The following CLEC12A variants were observed in gnomAD, a reference collection of about 807,000 sequenced individuals.
The protein encoded by CLEC12A is C-type lectin protein CLL-1.
A neutral mutation model predicts 26.5 loss-of-function variants in CLEC12A; 22 were observed. The observed-to-expected ratio is 0.83, with a 90% CI of 0.59 to 1.19. The LOEUF (loss-of-function observed/expected upper bound fraction) is 1.19. CLEC12A is among the 50% of genes most tolerant of loss of function. The probability of loss-of-function intolerance (pLI) is 0.00; values close to 1 mark genes in which losing one functional copy is unlikely to be tolerated. For synonymous variants in CLEC12A, 119 were observed against 101.9 expected, an observed-to-expected ratio of 1.17 and a Z score of -1.01; for missense variants, 353 against 315.6, an observed-to-expected ratio of 1.12 and a Z score of -0.90.
Position 9,971,436 on chromosome 12 carries a change from G to C in CLEC12A, c.-161G>C. 7.7e-7 allele frequency: 1 copy of C among 1,297,446 alleles called. No individual in the cohort carries two copies. Among genetic ancestry groups the C allele is most frequent in the Non-Finnish European group, 9.8e-7 (1 of 1,022,060 alleles). The allele number at this position is 1,297,446 out of a possible 1,614,324, so 80.4% of individuals were successfully genotyped here. On this transcript the variant is annotated 5_prime_UTR_variant, in exon 1 of 6. Transcript: ENST00000304361. ...CTCATTTGCAGACATATGGGTGATT[G>C]GTACAGTAGGTTTATAAACAGAAGT...
intron 3 of CLEC12A, among the ~76,000 whole-genome samples, chr12:9,979,770 A>G (rs1864479520): frequency 6.6e-6 from 1 of 152,220 alleles, no homozygotes; most frequent in Non-Finnish European, 1.5e-5. Flanking sequence ...AAAATGTTAG[A>G]CAAGACAGTT....
At chr12:9,969,707 C>T (rs1321424567), upstream of CLEC12A, among the ~76,000 whole-genome samples, 2 of 152,156 alleles carry the variant, frequency 1.3e-5, no homozygotes, top group African/African-American at 4.8e-5. Context: ...CGGTTTCCAT[C>T]CTTTCACAAA....
chr12:9,960,763 GT>G (rs1863815060), intron 1 of CLEC12A, among the ~76,000 whole-genome samples: 1 of 152,026 alleles, frequency 6.6e-6, no homozygotes. Flanking sequence ...AAACTTGTTT[GT>G]TTTCCTGAGT....
At chr12:9,961,614 G>A (rs1863830218) in intron 1 of CLEC12A, among the ~76,000 whole-genome samples, 1 of 151,936 alleles carries the variant, frequency 6.6e-6, no homozygotes, top group Non-Finnish European at 1.5e-5. Context: ...AATTAATCAA[G>A]GTTTACCGCT....
At chr12:9,988,655 C>G (rs1864824311), downstream of CLEC12A, among the ~76,000 whole-genome samples, 6 of 152,172 alleles carry the variant, frequency 3.9e-5, no homozygotes, top group South Asian at 1.2e-3. Context: ...AAATCAAAAC[C>G]ACAATGAGAT....
chr12:9,984,058 A>T (rs531210978), intron 5 of CLEC12A: 1 of 304,710 alleles, frequency 3.3e-6, no homozygotes, highest in South Asian at 2.9e-5. Context: ...ATTTTCAGTT[A>T]TCAAAAAGAA....
chr12:9,953,681 G>T (rs1296769395), intron 1 of CLEC12A, among the ~76,000 whole-genome samples: 1 of 151,514 alleles, frequency 6.6e-6, no homozygotes, highest in Non-Finnish European at 1.5e-5. Flanking sequence ...GAGCCCCTCT[G>T]CCCGGCCACC....
At chr12:9,962,674 G>T (rs1385540912) in intron 1 of CLEC12A, among the ~76,000 whole-genome samples, 1 of 152,134 alleles carries the variant, frequency 6.6e-6, no homozygotes, top group Non-Finnish European at 1.5e-5. Context: ...TTTGAGCCAG[G>T]ATGAGCCAGG....
upstream of CLEC12A, among the ~76,000 whole-genome samples, chr12:9,968,112 G>GAA (rs1864008436): frequency 1.2e-4 from 19 of 152,202 alleles, no homozygotes. Flanking sequence ...AGTAAAAAGA[G>GAA]GCCACTTACT....
downstream of CLEC12A, among the ~76,000 whole-genome samples, chr12:9,988,551 A>T (rs1216359169): frequency 6.6e-6 from 1 of 152,258 alleles, no homozygotes; most frequent in East Asian, 1.9e-4. Flanking sequence ...AAAGTGGGCA[A>T]AGGATATGAA....
At chr12:9,999,389 C>T (rs769912783), downstream of CLEC12A, 15 of 259,190 alleles carry the variant, frequency 5.8e-5, no homozygotes, top group Non-Finnish European at 8.6e-5. Context: ...ATCTTCAACA[C>T]TAAATAAAGG....
chr12:9,961,858 T>C (rs911110507), intron 1 of CLEC12A, among the ~76,000 whole-genome samples: 1 of 152,186 alleles, frequency 6.6e-6, no homozygotes, highest in Non-Finnish European at 1.5e-5. Context: ...TCTAATCCCT[T>C]TGCAGTGCCC....
In CLEC12A at chr12:9,982,027, T is replaced by C; in HGVS notation, c.539T>C (p.Ile180Thr). Residue 180 changes from isoleucine to threonine, a missense_variant, in exon 5 of 6, where the codon ATA becomes ACA. Transcript: ENST00000304361. Reference protein sequence around the residue: ...KINNKNALEFIKSQSRSYDYW... With the variant: ...KINNKNALEFTKSQSRSYDYW... ...TATCTGTATTTCCTGTAGGAATTTA[T>C]AAAATCCCAGAGTAGATCATATGAC... The C allele has an allele frequency of 6.5e-7, 1 of 1,529,576 alleles. No individual in the cohort carries two copies. Among genetic ancestry groups the C allele is most frequent in the South Asian group, 1.1e-5 (1 of 87,856 alleles). The allele number at this position is 1,529,576 out of a possible 1,614,324, so 94.8% of individuals were successfully genotyped here.
intron 5 of CLEC12A, 152 bp from the exon 6 acceptor site, chr12:9,984,718 A>T (rs1783032956): frequency 4.7e-6 from 3 of 642,628 alleles, no homozygotes; most frequent in Non-Finnish European, 6.6e-6. Flanking sequence ...ATTAACTCGG[A>T]CATTCTTGAT....
rs145453994 is a variant in CLEC12A, at chr12:9,954,614, T to G, written c.10+3258T>G. On this transcript the variant is annotated intron_variant, in intron 1 of 6. Transcript: ENST00000355690. ...CCATGTGAACATGTTCATAAACCAGTGAGTTTGCATTGCTATCTCATGGCT... is the reference window on the plus strand; with the variant it reads ...CCATGTGAACATGTTCATAAACCAGGGAGTTTGCATTGCTATCTCATGGCT... Among the ~76,000 whole-genome samples, 36 of 152,364 alleles carry G rather than the reference T, an allele frequency of 2.4e-4. No homozygotes were observed. The East Asian group carries it at 6.4e-3, about 27-fold the overall frequency.
chr12:9,999,142 T>A (rs747355106), downstream of CLEC12A: 25 of 1,373,910 alleles, frequency 1.8e-5, no homozygotes, highest in Non-Finnish European at 2.3e-5. Context: ...TTCAATGACT[T>A]TGCAAAATGT....
At chr12:9,965,598 G>T (rs1340427062) in intron 1 of CLEC12A, among the ~76,000 whole-genome samples, 1 of 152,020 alleles carries the variant, frequency 6.6e-6, no homozygotes, top group Non-Finnish European at 1.5e-5. Flanking sequence ...GAGATATTGA[G>T]GATAGGAGAG....
exon 5 of CLEC12A, chr12:9,995,363 G>A: frequency 1.2e-6 from 1 of 818,564 alleles, no homozygotes; most frequent in African/African-American, 1.7e-5. Context: ...GTCTATATTA[G>A]TATTAATGGA....
intron 5 of CLEC12A, among the ~76,000 whole-genome samples, chr12:9,982,457 A>G (rs1864599789): frequency 6.6e-6 from 1 of 152,130 alleles, no homozygotes; most frequent in Admixed American, 6.6e-5. Context: ...GGGTTCAAAG[A>G]TGAATGAAAT....
Sources: gnomAD v4.1 joint callset for allele counts (sites outside exome capture counted in the v4.1 genomes callset) on GRCh38, gnomAD v4.1.1 for gene constraint, MANE v1.5 for transcripts, NCBI Gene and HGNC (gene_info 2026-07-23, HGNC 2026-07-21) for gene names.